METTL22: variants seen among roughly 807,000 people sequenced by gnomAD.
METTL22 encodes methyltransferase 22, Kin17 lysine.
METTL22 carries 51 observed loss-of-function variants against 48.4 expected under a neutral mutation model. The observed-to-expected ratio is 1.05, with a 90% CI of 0.84 to 1.33. The LOEUF (loss-of-function observed/expected upper bound fraction) is 1.33, where lower values mean the gene tolerates loss of function less well. Among genes scored for constraint, METTL22 ranks in the 40% most tolerant of loss-of-function variants. The pLI is 0.00. For synonymous variants in METTL22, 255 were observed against 214.1 expected, an observed-to-expected ratio of 1.19 and a Z score of -1.67; for missense variants, 678 against 526.9, an observed-to-expected ratio of 1.29 and a Z score of -2.81.
At chr16:8,632,642 G>A (rs1215846474) in intron 3 of METTL22, among the ~76,000 whole-genome samples, 1 of 152,192 alleles carries the variant, frequency 6.6e-6, no homozygotes, top group African/African-American at 2.4e-5. Context: ...GTTCTCAGAT[G>A]TCTGCCGAGC....
rs2056856027 is a variant in METTL22, at chr16:8,649,234, T to C, written c.*3091T>C. 6.6e-6 allele frequency: 1 copy of C among 152,218 alleles called. No individual in the cohort carries two copies. The highest frequency in any genetic ancestry group is 6.5e-5 in the Admixed American group (1 of 15,282). The allele number at this position is 152,218 out of a possible 1,614,324, so 9.4% of individuals were successfully genotyped here. A position where few individuals can be genotyped will look rare whatever the true frequency, so the allele number is the denominator to read the frequency against. ...TCTAAGTAGAGCCTGGAATTAATCT[T>C]GATCCACTGTAATTCAAAGTATCGT... On this transcript the variant is annotated 3_prime_UTR_variant, in exon 11 of 11. Coordinates refer to ENST00000381920, the MANE Select transcript of METTL22 (RefSeq NM_024109.4).
At position 8,642,290 on chromosome 16, in the gene METTL22, T is replaced by C. The variant is rs1310067941; in HGVS notation, c.907+83T>C. On this transcript the variant is annotated intron_variant, in intron 8 of 10. Coordinates refer to ENST00000381920, the MANE Select transcript of METTL22 (RefSeq NM_024109.4). ...AGTCTCTCCTCACTTCCCCCGGGAG[T>C]TCAGTTTTAGAAGTGACTTTCTGGT... 8.0e-6 allele frequency: 11 copies of C among 1,374,862 alleles called. No homozygotes were observed. In the African/African-American group the frequency reaches 1.1e-4, roughly 14 times the overall value. 85.2% of individuals were successfully genotyped at this position (1,374,862 alleles called of 1,614,324 possible).
rs573050114 is a variant in METTL22, at chr16:8,643,609, GTTTTGTTTT to G, written c.1011-935_1011-927del. 4.5e-3 allele frequency among the ~76,000 whole-genome samples: 683 copies of G among 152,250 alleles called. 3 individuals carry two copies. Among genetic ancestry groups the G allele is most frequent in the Non-Finnish European group, 7.0e-3 (473 of 67,996 alleles). On this transcript the variant is annotated intron_variant, in intron 9 of 10. Transcript: ENST00000381920. ...AAGCTGGTAATGGGTTCATTAGACA[GTTTTGTTTT>G]TTTTGTTTTTTTGAGGCAGAGTCTT...
Position 8,646,594 on chromosome 16 carries a change from G to T in METTL22, c.*451G>T, listed in dbSNP as rs1277853970. On this transcript the variant is annotated 3_prime_UTR_variant, in exon 11 of 11. Transcript: ENST00000381920. ...GGCACAAAAGCCTCATTTCCTCCCA[G>T]GGTTGGGTATGCTCCACCCCATCAC... 1 of 462,204 alleles carries T rather than the reference G, an allele frequency of 2.2e-6. No homozygotes were observed. The allele number at this position is 462,204 out of a possible 1,614,324, so 28.6% of individuals were successfully genotyped here. A position where few individuals can be genotyped will look rare whatever the true frequency, so the allele number is the denominator to read the frequency against.
intron 7 of METTL22, 28 bp downstream of exon 7, chr16:8,641,212 G>C: frequency 1.9e-6 from 3 of 1,611,552 alleles, no homozygotes; most frequent in Non-Finnish European, 2.5e-6. Context: ...ACGTCCCCCA[G>C]TATGATTCAG....
At position 8,635,053 on chromosome 16, in the gene METTL22, A is replaced by T; in HGVS notation, c.529A>T (p.Thr177Ser). The T allele has an allele frequency of 6.2e-7, 1 of 1,613,642 alleles. No homozygotes were observed. Among genetic ancestry groups the T allele is most frequent in the Non-Finnish European group, 8.5e-7 (1 of 1,180,036 alleles). The change falls in exon 4 of 11, where the codon ACG (threonine) becomes TCG (serine). Residue 177 changes from threonine to serine, a missense_variant. Thr to Ser is a moderately conservative substitution (Grantham distance 58, BLOSUM62 1). Transcript: ENST00000381920. ...DIIRIEHTMA[T>S]PLEDVGKQVW... ...GTCCCATCCAGAGCACACCATGGCC[A>T]CGCCCCTGGAGGATGTTGGCAAGCA...
chr16:8,657,676 C>G, the METTL22 span, among the ~76,000 whole-genome samples: 1 of 152,236 alleles, frequency 6.6e-6, no homozygotes, highest in African/African-American at 2.4e-5. Flanking sequence ...GTTCTAAACC[C>G]CAGAACCTAT....
Position 8,642,580 on chromosome 16 carries a change from A to G in METTL22, c.1010+15A>G. The G allele has an allele frequency of 6.2e-7, 1 of 1,612,296 alleles. No individual in the cohort carries two copies. The highest frequency in any genetic ancestry group is 1.1e-5 in the South Asian group (1 of 91,046). ...GTGGAGAAGAGGTGAGCTTTGCGCC[A>G]CGGGAACCGTGCTGACGTCCCGAGT... On this transcript the variant is annotated intron_variant, in intron 9 of 10. Coordinates refer to ENST00000381920, the MANE Select transcript of METTL22 (RefSeq NM_024109.4).
chr16:8,635,738 A>G (rs2056404221), intron 5 of METTL22, among the ~76,000 whole-genome samples: 1 of 152,172 alleles, frequency 6.6e-6, no homozygotes. Context: ...AATTACTCAT[A>G]ATTTTACAAT....
the METTL22 span, among the ~76,000 whole-genome samples, chr16:8,665,778 C>T: frequency 6.6e-6 from 1 of 152,162 alleles, no homozygotes; most frequent in Non-Finnish European, 1.5e-5. Flanking sequence ...AGCTTCCTGG[C>T]CAGGCGGAGA....
chr16:8,625,620 C>T lies in METTL22; in HGVS notation c.-46C>T, dbSNP rs2056019548. On this transcript the variant is annotated 5_prime_UTR_variant, in exon 2 of 11. Coordinates refer to ENST00000381920, the MANE Select transcript of METTL22 (RefSeq NM_024109.4). ...ACCTGCCATGCTGAGGACCCATTCTCACCTCTGAGGGACTCCTGTCCTAGG... is the reference window on the plus strand; with the variant it reads ...ACCTGCCATGCTGAGGACCCATTCTTACCTCTGAGGGACTCCTGTCCTAGG... 1.9e-6 allele frequency: 3 copies of T among 1,608,666 alleles called. No homozygotes were observed. Among genetic ancestry groups the T allele is most frequent in the Non-Finnish European group, 8.5e-7 (1 of 1,177,100 alleles).
chr16:8,659,656 A>T, the METTL22 span, among the ~76,000 whole-genome samples: 2 of 152,214 alleles, frequency 1.3e-5, no homozygotes, highest in Admixed American at 6.5e-5. Flanking sequence ...AGGTGACTGC[A>T]TGCTAGAGCC....
chr16:8,623,648 T>C (rs1305462884), intron 1 of METTL22: 2 of 152,232 alleles, frequency 1.3e-5, no homozygotes, highest in Non-Finnish European at 2.9e-5. Flanking sequence ...TCACAGACTT[T>C]CTTTACAACC....
the METTL22 span, among the ~76,000 whole-genome samples, chr16:8,659,785 G>A: frequency 1.3e-5 from 2 of 151,660 alleles, no homozygotes; most frequent in African/African-American, 2.4e-5. Flanking sequence ...GTGCAGTGGC[G>A]CAGTCTTGGC....
chr16:8,634,899 C>A, intron 3 of METTL22, 140 bp from the exon 4 acceptor site: 1 of 1,059,126 alleles, frequency 9.4e-7, no homozygotes, highest in Non-Finnish European at 1.4e-6. Context: ...GCCTGTGTTT[C>A]TGCTGCTCTC....
chr16:8,655,079 T>G, the METTL22 span, among the ~76,000 whole-genome samples: 1 of 152,188 alleles, frequency 6.6e-6, no homozygotes, highest in African/African-American at 2.4e-5. Flanking sequence ...TGTGGGGCAT[T>G]GGGGAAAGGA....
At chr16:8,658,341 C>G in the METTL22 span, among the ~76,000 whole-genome samples, 3 of 152,214 alleles carry the variant, frequency 2.0e-5, no homozygotes, top group African/African-American at 7.2e-5. Context: ...TAATCCATTT[C>G]CACTGTTTTA....
chr16:8,635,294 C>G lies in METTL22; in HGVS notation c.682C>G (p.Arg228Gly), dbSNP rs376318849. The G allele has an allele frequency of 7.6e-6, 12 of 1,585,722 alleles. No homozygotes were observed. Among genetic ancestry groups the G allele is most frequent in the Non-Finnish European group, 1.0e-5 (12 of 1,167,090 alleles). The part of the protein sequence containing the change: ...LASIIAATMA[R>G]TVYCTDVGAD... ...TAGCATCATCGCAGCCACCATGGCA[C>G]GGACCGTTTATTGTACAGGTAATGA... is the stretch of plus-strand genomic sequence containing the variant. Residue 228 changes from arginine (R) to glycine (G), a missense_variant, in exon 5 of 11, where the codon CGG (arginine) becomes GGG (glycine). By Grantham distance (125) the Arg-to-Gly change is moderately radical. Coordinates refer to ENST00000381920, the MANE Select transcript of METTL22 (RefSeq NM_024109.4).
intron 6 of METTL22, among the ~76,000 whole-genome samples, chr16:8,640,895 T>TGGAG (rs2056585304): frequency 4.1e-5 from 1 of 24,250 alleles, no homozygotes; most frequent in Non-Finnish European, 8.4e-5. Flanking sequence ...GGTGGGTGAA[T>TGGAG]GGATGGATGG....
Sources: gnomAD v4.1 joint callset for allele counts (sites outside exome capture counted in the v4.1 genomes callset) on GRCh38, gnomAD v4.1.1 for gene constraint, MANE v1.5 for transcripts, NCBI Gene and HGNC (gene_info 2026-07-23, HGNC 2026-07-21) for gene names.